The following PNMA1 variants were observed in gnomAD, a reference collection of about 807,000 sequenced individuals.
PNMA1 encodes the protein paraneoplastic antigen Ma1.
A neutral mutation model predicts 26.1 loss-of-function variants in PNMA1; 21 were observed. That is an observed-to-expected ratio of 0.80 (90% CI 0.57 to 1.16). The LOEUF (loss-of-function observed/expected upper bound fraction) is 1.16. Ranked by LOEUF, PNMA1 falls within the 50% of genes most tolerant of loss-of-function variation. PNMA1 has a pLI of 0.00. For synonymous variants in PNMA1, 189 were observed against 177.3 expected, an observed-to-expected ratio of 1.07 and a Z score of -0.52; for missense variants, 435 against 437.3, an observed-to-expected ratio of 0.99 and a Z score of 0.05.
In PNMA1 at chr14:73,712,785, ATTATCT is replaced by A. The variant is rs1439876409; in HGVS notation, c.849_854del (p.Lys283_Asp284del). 5.0e-6 allele frequency: 8 copies of A among 1,613,962 alleles called. 1 individual carries two copies. The highest frequency in any genetic ancestry group is 2.2e-5 in the South Asian group (2 of 91,080). On this transcript the variant is annotated inframe_deletion, in exon 1 of 1. Transcript: ENST00000316836. ...CCTGCTCTAGGCGGGCCTGGTTCAC[ATTATCT>A]TTATCAATGGCCCCCTTCTCTACCA...
rs1015251485 is a variant in PNMA1, at chr14:73,713,339, A to C, written c.301T>G (p.Phe101Val). The C allele has an allele frequency of 6.2e-7, 1 of 1,614,058 alleles. No individual in the cohort carries two copies. ...LFKPPTSDAE[F>V]LERLHLFLAR... ...AGGAAGAGGTGCAATCTTTCTAAAA[A>C]TTCAGCATCAGAAGTTGGGGGCTTA... Residue 101 changes from phenylalanine to valine, a missense_variant, in exon 1 of 1, where the codon TTT becomes GTT. Physicochemically the swap from Phe to Val is conservative, Grantham distance 50. Coordinates refer to ENST00000316836, the MANE Select transcript of PNMA1 (RefSeq NM_006029.5).
In PNMA1 at chr14:73,713,231, G is replaced by T; in HGVS notation, c.409C>A (p.Pro137Thr). 1 of 1,614,126 alleles carries T rather than the reference G, an allele frequency of 6.2e-7. No homozygotes were observed. The highest frequency in any genetic ancestry group is 8.5e-7 in the Non-Finnish European group (1 of 1,180,030). The change falls in exon 1 of 1, where the codon CCA becomes ACA. Residue 137 changes from proline (P) to threonine (T), a missense_variant. Pro to Thr is a conservative substitution (Grantham distance 38). Coordinates refer to ENST00000316836, the MANE Select transcript of PNMA1 (RefSeq NM_006029.5). Reference sequence around the variant, plus strand: ...AAAATATAGTTTAGCATCTCTGCTGGCATCTCTGGGCCCGGGGTCGGAGTA... The same window carrying T: ...AAAATATAGTTTAGCATCTCTGCTGTCATCTCTGGGCCCGGGGTCGGAGTA... The part of the protein sequence containing the change: ...NPTPTPGPEM[P>T]AEMLNYILDN...
Position 73,712,540 on chromosome 14 carries a change from G to A in PNMA1, c.*38C>T. 3 of 1,378,010 alleles carry A rather than the reference G, an allele frequency of 2.2e-6. No individual in the cohort carries two copies. Among genetic ancestry groups the A allele is most frequent in the East Asian group, 2.3e-5 (1 of 43,530 alleles). The allele number at this position is 1,378,010 out of a possible 1,614,324, so 85.4% of individuals were successfully genotyped here. On this transcript the variant is annotated 3_prime_UTR_variant, in exon 1 of 1. Transcript: ENST00000316836. ...CCCCACAGGGACAAGAAAAGTAGCT[G>A]TGATCTAGGTCTGCACTAAAGCTGC...
rs2052847745 is a variant in PNMA1, at chr14:73,714,105, G to T, written c.-466C>A. On this transcript the variant is annotated 5_prime_UTR_variant, in exon 1 of 1. Transcript: ENST00000316836. ...CCCGCGGGCGAGGAGCGGCCGTTTG[G>T]GAGACTAGCCAGAGGGAGAAACTGT... The T allele has an allele frequency of 5.9e-6, 1 of 168,082 alleles. No individual in the cohort carries two copies. The highest frequency in any genetic ancestry group is 6.5e-5 in the Admixed American group (1 of 15,302). 10.4% of individuals were successfully genotyped at this position (168,082 alleles called of 1,614,324 possible). A position where few individuals can be genotyped will look rare whatever the true frequency, so the allele number is the denominator to read the frequency against.
chr14:73,712,879 T>C lies in PNMA1; in HGVS notation c.761A>G (p.Tyr254Cys). Residue 254 changes from tyrosine (Y) to cysteine (C), a missense_variant, in exon 1 of 1, where the codon TAT becomes TGT. Physicochemically the swap from Tyr to Cys is radical, Grantham distance 194. Transcript: ENST00000316836. Reference protein sequence around the residue: ...RDAQIKFLNTYQNPGEKLSAY... With the variant: ...RDAQIKFLNTCQNPGEKLSAY... ...AGACAATTTTTCTCCCGGGTTCTGA[T>C]AAGTGTTCAGAAATTTGATCTGGGC... 6.2e-7 allele frequency: 1 copy of C among 1,614,102 alleles called. No individual in the cohort carries two copies. The highest frequency in any genetic ancestry group is 2.2e-5 in the East Asian group (1 of 44,894).
rs774569673 is a variant in PNMA1, at chr14:73,713,445, T to A, written c.195A>T (p.Leu65Phe). The A allele has an allele frequency of 1.9e-6, 3 of 1,614,188 alleles. No individual in the cohort carries two copies. Among genetic ancestry groups the A allele is most frequent in the Non-Finnish European group, 2.5e-6 (3 of 1,180,030 alleles). The change falls in exon 1 of 1, where the codon TTA (leucine) becomes TTT (phenylalanine). Residue 65 changes from leucine to phenylalanine, a missense_variant. Leu to Phe is a conservative substitution (Grantham distance 22). Transcript: ENST00000316836. ...AATCTACAGCGCCAGTGAGCTCTAA[T>A]AAGGCTGCTTTCGCATTTTCTTCCC... ...FWREENAKAALLELTGAVDYA... is the reference protein window; with the variant it reads ...FWREENAKAAFLELTGAVDYA...
rs576721874 is a variant in PNMA1 at position 73,713,959 on chromosome 14, G to T, written c.-320C>A. 8.8e-6 allele frequency: 2 copies of T among 226,080 alleles called. No homozygotes were observed. Among genetic ancestry groups the T allele is most frequent in the Admixed American group, 1.2e-4 (2 of 17,130 alleles). 14.0% of individuals were successfully genotyped at this position (226,080 alleles called of 1,614,324 possible). On this transcript the variant is annotated 5_prime_UTR_variant, in exon 1 of 1. Transcript: ENST00000316836. Reference sequence around the variant, plus strand: ...CGTGCAGCGGGCGAGGAGCGACGGCGGGCGGCGAAGGCAGGCGCGCTGGGC... The same window carrying T: ...CGTGCAGCGGGCGAGGAGCGACGGCTGGCGGCGAAGGCAGGCGCGCTGGGC...
At position 73,712,973 on chromosome 14, in the gene PNMA1, C is replaced by T; in HGVS notation, c.667G>A (p.Ala223Thr). The T allele has an allele frequency of 1.2e-6, 2 of 1,614,206 alleles. No individual in the cohort carries two copies. The highest frequency in any genetic ancestry group is 8.5e-7 in the Non-Finnish European group (1 of 1,180,048). Residue 223 changes from alanine to threonine, a missense_variant, in exon 1 of 1, where the codon GCG (alanine) becomes ACG (threonine). Physicochemically the swap from Ala to Thr is moderately conservative, Grantham distance 58. Transcript: ENST00000316836. ...TTCAGGCATTCGGCAGTGGTTATCGCGGGGTTGTTGGACTTAAGGATGCGA... is the reference window on the plus strand; with the variant it reads ...TTCAGGCATTCGGCAGTGGTTATCGTGGGGTTGTTGGACTTAAGGATGCGA... The part of the protein sequence containing the change: ...VIRILKSNNP[A>T]ITTAECLKAL...
Position 73,713,781 on chromosome 14 carries a change from C to A in PNMA1, c.-142G>T. 1.3e-6 allele frequency: 1 copy of A among 750,814 alleles called. No individual in the cohort carries two copies. 46.5% of individuals were successfully genotyped at this position (750,814 alleles called of 1,614,324 possible). On this transcript the variant is annotated 5_prime_UTR_variant, in exon 1 of 1. Coordinates refer to ENST00000316836, the MANE Select transcript of PNMA1 (RefSeq NM_006029.5). ...CAGTCACGATTAACAAAGACAGAGTCCTGATCTCGCCCTTCTCTGCCCCCA... is the reference window on the plus strand; with the variant it reads ...CAGTCACGATTAACAAAGACAGAGTACTGATCTCGCCCTTCTCTGCCCCCA...
chr14:73,712,689 T>C lies in PNMA1; in HGVS notation c.951A>G (p.Pro317=). Residue 317 remains proline (P), a synonymous_variant, in exon 1 of 1, where the codon CCA becomes CCG. Coordinates refer to ENST00000316836, the MANE Select transcript of PNMA1 (RefSeq NM_006029.5). ...QLWLTGAGEG[P]APNLFQLLVQ... is the part of the protein sequence containing the mutation. The stretch of plus-strand genomic sequence containing the variant: ...CCAGCAACTGAAAGAGGTTTGGGGC[T>C]GGCCCTTCCCCAGCCCCGGTAAGCC... 6.2e-7 allele frequency: 1 copy of C among 1,614,000 alleles called. No individual in the cohort carries two copies. Among genetic ancestry groups the C allele is most frequent in the Non-Finnish European group, 8.5e-7 (1 of 1,179,914 alleles).
rs1271694178 is a variant in PNMA1, at chr14:73,713,548, TCA to T, written c.90_91del (p.Cys30Ter). 6.2e-7 allele frequency: 1 copy of T among 1,614,132 alleles called. No individual in the cohort carries two copies. Among genetic ancestry groups the T allele is most frequent in the Admixed American group, 1.7e-5 (1 of 60,028 alleles). The stretch of plus-strand genomic sequence containing the variant: ...GAGGGTCTCTTCGATTTCAGCCTCA[TCA>T]CAGTTCACTGGGATGCCCCAGACTA... On this transcript the variant is annotated stop_gained and frameshift_variant, in exon 1 of 1. Transcript: ENST00000316836. LOFTEE classifies it high-confidence loss of function.
At position 73,713,272 on chromosome 14, in the gene PNMA1, A is replaced by G. The variant is rs1272510451; in HGVS notation, c.368T>C (p.Leu123Pro). Reference protein sequence around the residue: ...GWTVQDVARVLGFQNPTPTPG... With the variant: ...GWTVQDVARVPGFQNPTPTPG... ...GGTCGGAGTAGGGTTCTGAAACCCAAGGACACGGGCAACATCTTGCACGGT... is the reference window on the plus strand; with the variant it reads ...GGTCGGAGTAGGGTTCTGAAACCCAGGGACACGGGCAACATCTTGCACGGT... The change falls in exon 1 of 1, where the codon CTT (leucine) becomes CCT (proline). Residue 123 changes from leucine (L) to proline (P), a missense_variant. Physicochemically the swap from Leu to Pro is moderately conservative, Grantham distance 98 (BLOSUM62 -3). Transcript: ENST00000316836. 1 of 1,614,200 alleles carries G rather than the reference A, an allele frequency of 6.2e-7. No homozygotes were observed. Among genetic ancestry groups the G allele is most frequent in the East Asian group, 2.2e-5 (1 of 44,886 alleles).
Position 73,712,609 on chromosome 14 carries a change from A to G in PNMA1, c.1031T>C (p.Leu344Pro), listed in dbSNP as rs1365884436. 6.2e-7 allele frequency: 1 copy of G among 1,610,858 alleles called. No homozygotes were observed. Among genetic ancestry groups the G allele is most frequent in the East Asian group, 2.2e-5 (1 of 44,862 alleles). Residue 344 changes from leucine to proline, a missense_variant, in exon 1 of 1, where the codon CTT (leucine) becomes CCT (proline). Physicochemically the swap from Leu to Pro is moderately conservative, Grantham distance 98 (BLOSUM62 -3). Coordinates refer to ENST00000316836, the MANE Select transcript of PNMA1 (RefSeq NM_006029.5). ...GTGCCCTTCCAGGCCTAACTGCAGA[A>G]GGGTGGCCTCAGCCTCCTCCTCCTC... ...KEEEEEAEAT[L>P]LQLGLEGHF is the part of the protein sequence containing the mutation.
Sources: gnomAD v4.1 joint callset for allele counts on GRCh38, gnomAD v4.1.1 for gene constraint, MANE v1.5 for transcripts, NCBI Gene and HGNC (gene_info 2026-07-23, HGNC 2026-07-21) for gene names.